The following UGT1A4 variants were observed in gnomAD, a reference collection of about 807,000 sequenced individuals.
UGT1A4 encodes UDP-glucuronosyltransferase 1A4.
Under a neutral mutation model 41.1 loss-of-function variants are expected in UGT1A4, and 32 were observed. That is an observed-to-expected ratio of 0.78 (90% CI 0.59 to 1.05). The LOEUF is 1.05. UGT1A4 is among the 50% of genes least tolerant of loss of function. UGT1A4 has a pLI of 0.00. For missense variants in UGT1A4, 748 were observed against 677.4 expected (o/e 1.10, Z -1.16); for synonymous variants, 283 against 265.1 (o/e 1.07, Z -0.66).
chr2:233,730,694 C>T (rs1315714978), intron 1 of UGT1A4, among the ~76,000 whole-genome samples: 1 of 152,058 alleles, frequency 6.6e-6, no homozygotes, highest in Non-Finnish European at 1.5e-5. Context: ...TCAAATGATT[C>T]TTCTACTTGG....
chr2:233,730,014 C>G (rs1187658663), intron 1 of UGT1A4: 2 of 1,613,720 alleles, frequency 1.2e-6, no homozygotes, highest in Non-Finnish European at 1.7e-6. Context: ...GTGCCTTCAT[C>G]CAATCAATGT....
intron 1 of UGT1A4, among the ~76,000 whole-genome samples, chr2:233,723,213 CTTT>C (rs201420005): frequency 5.6e-5 from 5 of 88,866 alleles, no homozygotes; most frequent in Admixed American, 3.3e-4. Flanking sequence ...TCAAAACTGA[CTTT>C]TTTTTTTTTT....
intron 1 of UGT1A4, among the ~76,000 whole-genome samples, 153 bp downstream of exon 1, chr2:233,719,840 T>A (rs2076807243): frequency 6.6e-6 from 1 of 152,240 alleles, no homozygotes; most frequent in South Asian, 2.1e-4. Flanking sequence ...GCCTAGTGTA[T>A]TTCAAGTTTT....
At chr2:233,727,703 C>T (rs944124074) in intron 1 of UGT1A4, among the ~76,000 whole-genome samples, 2 of 152,208 alleles carry the variant, frequency 1.3e-5, no homozygotes, top group Non-Finnish European at 2.9e-5. Context: ...CTGGACAGTT[C>T]CCAAAGCCCT....
intron 2 of UGT1A4, 82 bp from the exon 3 acceptor site, chr2:233,767,765 CCT>C (rs1699477727): frequency 9.3e-6 from 15 of 1,608,904 alleles, no homozygotes; most frequent in Admixed American, 1.7e-5. Context: ...TCAGAGGACC[CCT>C]GTTTTCTAGT....
intron 1 of UGT1A4, among the ~76,000 whole-genome samples, chr2:233,721,343 A>G (rs2076939379): frequency 6.6e-6 from 1 of 152,156 alleles, no homozygotes; most frequent in South Asian, 2.1e-4. Flanking sequence ...CTATGAATAT[A>G]TTCTTTAGAC....
chr2:233,767,818 C>G lies in UGT1A4; in HGVS notation c.1000-31C>G, dbSNP rs766005162. On this transcript the variant is annotated intron_variant, in intron 2 of 4. Coordinates refer to ENST00000373409, the MANE Select transcript of UGT1A4 (RefSeq NM_007120.3). ...GTTTTCTAATCATATTATGTTCTTT[C>G]TTTACGTTCTGCTCTTTTTGCCCCT... The G allele has an allele frequency of 1.9e-6, 3 of 1,614,028 alleles. No homozygotes were observed. In the South Asian group the frequency reaches 3.3e-5, roughly 18 times the overall value.
intron 1 of UGT1A4, among the ~76,000 whole-genome samples, chr2:233,725,807 A>G (rs2077476703): frequency 6.6e-6 from 1 of 152,102 alleles, no homozygotes; most frequent in Non-Finnish European, 1.5e-5. Context: ...CTTAAAATCC[A>G]TTTTATTGGA....
At chr2:233,721,763 T>A in intron 1 of UGT1A4, 1 of 476,760 alleles carries the variant, frequency 2.1e-6, no homozygotes, top group African/African-American at 2.0e-5. Context: ...TCTAAATTGT[T>A]ATATTTAGCA....
intron 1 of UGT1A4, among the ~76,000 whole-genome samples, chr2:233,757,010 A>G (rs1316931838): frequency 1.3e-5 from 2 of 151,932 alleles, no homozygotes; most frequent in African/African-American, 4.8e-5. Flanking sequence ...GGTAGAGTTC[A>G]GTTTGAACAA....
chr2:233,761,361 C>A (rs1202698678), intron 1 of UGT1A4, among the ~76,000 whole-genome samples: 1 of 152,198 alleles, frequency 6.6e-6, no homozygotes, highest in Non-Finnish European at 1.5e-5. Context: ...GGAAAGCATT[C>A]CTTGGACATT....
intron 1 of UGT1A4, among the ~76,000 whole-genome samples, chr2:233,746,234 G>T (rs923887005): frequency 6.6e-6 from 1 of 151,756 alleles, no homozygotes; most frequent in African/African-American, 2.4e-5. Context: ...TATGCAAACT[G>T]CTAAAAGATA....
At chr2:233,748,206 C>A (rs553740973) in intron 1 of UGT1A4, 35 of 1,508,468 alleles carry the variant, frequency 2.3e-5, no homozygotes, top group Admixed American at 4.0e-5. Context: ...GTCGTAATAG[C>A]CTTCAGTGAG....
chr2:233,750,894 A>C lies in UGT1A4; in HGVS notation c.868-16140A>C, dbSNP rs543579784. 1.2e-3 allele frequency among the ~76,000 whole-genome samples: 186 copies of C among 151,880 alleles called. 5 individuals are homozygous for C. The highest frequency in any genetic ancestry group is 4.3e-3 in the African/African-American group (178 of 41,202). ...TGCATGGATGGAGCCCTTATAGAGAACCTCTGCTAGAGAAGGGTGGTAAAG... is the reference window on the plus strand; with the variant it reads ...TGCATGGATGGAGCCCTTATAGAGACCCTCTGCTAGAGAAGGGTGGTAAAG... On this transcript the variant is annotated intron_variant, in intron 1 of 4. Transcript: ENST00000373409.
intron 1 of UGT1A4, among the ~76,000 whole-genome samples, chr2:233,727,533 G>A (rs532187681): frequency 2.6e-5 from 4 of 152,154 alleles, no homozygotes; most frequent in East Asian, 1.9e-4. Context: ...ACTACCAGGC[G>A]TGTTCCACCC....
rs1575663531 is a variant in UGT1A4, at chr2:233,744,064, T to A, written c.868-22970T>A. ...GCCACATCTCATTGGTCGAGGCCTATGAGCGCCTCGCATCCCAAGATGCAG... is the reference window on the plus strand; with the variant it reads ...GCCACATCTCATTGGTCGAGGCCTAAGAGCGCCTCGCATCCCAAGATGCAG... On this transcript the variant is annotated intron_variant, in intron 1 of 4. Transcript: ENST00000373409. 7.1e-6 allele frequency: 4 copies of A among 560,044 alleles called. No homozygotes were observed. In the East Asian group the frequency reaches 2.1e-4, roughly 29 times the overall value. 34.7% of individuals were successfully genotyped at this position (560,044 alleles called of 1,614,324 possible). A position where few individuals can be genotyped will look rare whatever the true frequency, so the allele number is the denominator to read the frequency against.
rs191127700 is a variant in UGT1A4, at chr2:233,728,874, G to T, written c.867+9187G>T. 1.3e-4 allele frequency among the ~76,000 whole-genome samples: 20 copies of T among 152,302 alleles called. No homozygotes were observed. In the East Asian group the frequency reaches 3.7e-3, roughly 28 times the overall value. Reference sequence around the variant, plus strand: ...GATGAGAAACAAGAGCTTGAACTTGGATGTTCCCCAGAGTGAGCACAGGGT... The same window carrying T: ...GATGAGAAACAAGAGCTTGAACTTGTATGTTCCCCAGAGTGAGCACAGGGT... On this transcript the variant is annotated intron_variant, in intron 1 of 4. Transcript: ENST00000373409.
In UGT1A4 at chr2:233,754,989, C is replaced by G. The variant is rs749655557; in HGVS notation, c.868-12045C>G. On this transcript the variant is annotated intron_variant, in intron 1 of 4. Coordinates refer to ENST00000373409, the MANE Select transcript of UGT1A4 (RefSeq NM_007120.3). ...CTCCCTGAAGACCTCGGCGGGGTCACGGAAGCTGAAGACCTACTCGAAGGG... is the reference window on the plus strand; with the variant it reads ...CTCCCTGAAGACCTCGGCGGGGTCAGGGAAGCTGAAGACCTACTCGAAGGG... 2.3e-6 allele frequency: 3 copies of G among 1,296,678 alleles called. No individual in the cohort carries two copies. The South Asian group carries it at 3.5e-5, about 15-fold the overall frequency. The allele number at this position is 1,296,678 out of a possible 1,614,324, so 80.3% of individuals were successfully genotyped here. A position where few individuals can be genotyped will look rare whatever the true frequency, so the allele number is the denominator to read the frequency against.
At chr2:233,768,722 A>G (rs1461787067) in intron 4 of UGT1A4, among the ~76,000 whole-genome samples, 1 of 150,864 alleles carries the variant, frequency 6.6e-6, no homozygotes, top group Non-Finnish European at 1.5e-5. Flanking sequence ...AGCTGGGATT[A>G]CAGGTGTCCA....
Sources: allele counts gnomAD v4.1 joint callset (sites outside exome capture counted in the v4.1 genomes callset), GRCh38; gene constraint gnomAD v4.1.1; transcripts MANE v1.5; gene names NCBI Gene and HGNC (gene_info 2026-07-23, HGNC 2026-07-21).